FYB2: variants seen among roughly 807,000 people sequenced by gnomAD.
The protein encoded by FYB2 is FYN binding protein 2, also known as FYN-binding protein 2.
A neutral mutation model predicts 94.1 loss-of-function variants in FYB2; 103 were observed. That is an observed-to-expected ratio of 1.09 (90% CI 0.93 to 1.29). The LOEUF is 1.29. Among genes scored for constraint, FYB2 ranks in the 50% most tolerant of loss-of-function variants. FYB2 has a pLI of 0.00. For synonymous variants in FYB2, 293 were observed against 287.9 expected (o/e 1.02, Z -0.18); for missense variants, 896 against 841.5 (o/e 1.06, Z -0.80).
At position 56,792,634 on chromosome 1, in the gene FYB2, T is replaced by C; in HGVS notation, c.179A>G (p.Lys60Arg). The stretch of plus-strand genomic sequence containing the variant: ...ACTGGAACAGTATGGTGTGCGCTGC[T>C]TGTGGTTGGATGAGAGGGGTTTCCC... ...ANGKPLSSNH[K>R]QRTPYCSSSE... is the part of the protein sequence containing the mutation. Residue 60 changes from lysine to arginine, a missense_variant, in exon 2 of 20, where the codon AAG (lysine) becomes AGG (arginine). By Grantham distance (26) the Lys-to-Arg change is conservative. Transcript: ENST00000343433. The C allele has an allele frequency of 1.9e-6, 3 of 1,614,114 alleles. No individual in the cohort carries two copies. The highest frequency in any genetic ancestry group is 2.2e-5 in the South Asian group (2 of 91,074).
chr1:56,737,283 T>C lies in FYB2; in HGVS notation c.1733-136A>G, dbSNP rs1644849570. 7.1e-6 allele frequency: 4 copies of C among 562,204 alleles called. No individual in the cohort carries two copies. In the East Asian group the frequency reaches 1.3e-4, roughly 18 times the overall value. The allele number at this position is 562,204 out of a possible 1,614,324, so 34.8% of individuals were successfully genotyped here. A position where few individuals can be genotyped will look rare whatever the true frequency, so the allele number is the denominator to read the frequency against. On this transcript the variant is annotated intron_variant, in intron 14 of 19. Transcript: ENST00000343433. ...GTTTTAGCAAAATCTGATCATAAAA[T>C]ACAGATAGGCTAGAAGAATCAAAGA... is the stretch of plus-strand genomic sequence containing the variant.
intron 15 of FYB2, among the ~76,000 whole-genome samples, chr1:56,731,381 T>C (rs1431468733): frequency 6.6e-6 from 1 of 152,136 alleles, no homozygotes; most frequent in Non-Finnish European, 1.5e-5. Flanking sequence ...GGTCCCACTA[T>C]GTTGCCCAGG....
chr1:56,814,903 C>G (rs192906362), intron 1 of FYB2, among the ~76,000 whole-genome samples: 47 of 152,264 alleles, frequency 3.1e-4, no homozygotes, highest in African/African-American at 1.1e-3. Flanking sequence ...GACCTGGGTT[C>G]TGTCAAAAAT....
chr1:56,758,672 C>A, intron 6 of FYB2, 44 bp downstream of exon 6: 1 of 1,465,478 alleles, frequency 6.8e-7, no homozygotes, highest in Non-Finnish European at 9.4e-7. Context: ...ACCTTGCATG[C>A]TTATTTTACT....
At chr1:56,770,397 G>A (rs1645726369) in intron 4 of FYB2, among the ~76,000 whole-genome samples, 1 of 152,060 alleles carries the variant, frequency 6.6e-6, no homozygotes, top group South Asian at 2.1e-4. Context: ...GATAGAAAAA[G>A]AGGAAAAGCT....
Position 56,719,574 on chromosome 1 carries a change from A to G in FYB2, c.*97T>C, listed in dbSNP as rs908605667. 33 of 1,114,078 alleles carry G rather than the reference A, an allele frequency of 3.0e-5. No individual in the cohort carries two copies. Among genetic ancestry groups the G allele is most frequent in the Non-Finnish European group, 3.9e-5 (31 of 790,928 alleles). The allele number at this position is 1,114,078 out of a possible 1,614,324, so 69.0% of individuals were successfully genotyped here. ...AGTTTCCACAGATTCCACCATCTCA[A>G]AATTTTGACATGTAAACTGAAACTG... On this transcript the variant is annotated 3_prime_UTR_variant, in exon 20 of 20. Transcript: ENST00000343433.
intron 8 of FYB2, among the ~76,000 whole-genome samples, chr1:56,751,664 T>C (rs749335496): frequency 3.9e-5 from 6 of 152,052 alleles, no homozygotes; most frequent in Non-Finnish European, 1.5e-5. Flanking sequence ...TCTTTTTGCC[T>C]ACATTTTGTC....
upstream of FYB2, among the ~76,000 whole-genome samples, chr1:56,823,469 T>C (rs1375762749): frequency 6.6e-6 from 1 of 152,182 alleles, no homozygotes; most frequent in African/African-American, 2.4e-5. Context: ...ATGCCTAGAA[T>C]TATCTTGGAG....
At chr1:56,757,644 C>CCTTT (rs767179307) in intron 6 of FYB2, among the ~76,000 whole-genome samples, 3 of 150,230 alleles carry the variant, frequency 2.0e-5, no homozygotes, top group East Asian at 3.9e-4. Context: ...CTTTTCTTTT[C>CCTTT]CTTTCTTTCT....
intron 1 of FYB2, among the ~76,000 whole-genome samples, chr1:56,816,588 CCAAGTTTTAAAATCCCCCATATAACA>C (rs1646886971): frequency 6.6e-6 from 1 of 152,084 alleles, no homozygotes; most frequent in South Asian, 2.1e-4. Context: ...GAATGTGAGG[CCAAGTTTTAAAATCCCCCATATAACA>C]CATACTAAAC....
chr1:56,756,087 T>C (rs1645323548), intron 6 of FYB2, among the ~76,000 whole-genome samples, 160 bp from the exon 7 acceptor site: 1 of 152,102 alleles, frequency 6.6e-6, no homozygotes, highest in Non-Finnish European at 1.5e-5. Context: ...CAGGAACTGT[T>C]GCAGTGGGGC....
chr1:56,756,247 T>G (rs549890254), intron 6 of FYB2, among the ~76,000 whole-genome samples: 1 of 152,196 alleles, frequency 6.6e-6, no homozygotes. Flanking sequence ...TATGAGAAAA[T>G]ATGAATTTGT....
At chr1:56,763,843 T>C (rs879649575) in intron 5 of FYB2, among the ~76,000 whole-genome samples, 1 of 152,156 alleles carries the variant, frequency 6.6e-6, no homozygotes, top group Non-Finnish European at 1.5e-5. Context: ...TCCTGCTACT[T>C]GCTTTCAAGA....
rs937302358 is a variant in FYB2, at chr1:56,792,798, C to A, written c.15G>T (p.Gly5=). 5 of 1,608,910 alleles carry A rather than the reference C, an allele frequency of 3.1e-6. No homozygotes were observed. In the African/African-American group the frequency reaches 6.7e-5, roughly 22 times the overall value. ...CTCGAAGTTCCTTGAAGTTTCTTAC[C>A]CCTTCCTAAGGCAAAGAATAATCAA... MEGE[G]VRNFKELRAK... is the part of the protein sequence containing the mutation. Residue 5 remains glycine (G), a synonymous_variant, in exon 2 of 20, where the codon GGG becomes GGT. Transcript: ENST00000343433.
At chr1:56,739,692 G>C (rs1644907325) in intron 13 of FYB2, among the ~76,000 whole-genome samples, 1 of 152,066 alleles carries the variant, frequency 6.6e-6, no homozygotes, top group Admixed American at 6.6e-5. Flanking sequence ...CCTACTTCAA[G>C]TATCCTTAAG....
chr1:56,763,993 C>T (rs1378165346), intron 5 of FYB2, among the ~76,000 whole-genome samples: 2 of 151,224 alleles, frequency 1.3e-5, no homozygotes, highest in African/African-American at 2.4e-5. Context: ...TCTTATTGCC[C>T]AGGCTGGAGT....
At chr1:56,795,423 T>C (rs1646373940) in intron 1 of FYB2, among the ~76,000 whole-genome samples, 1 of 152,316 alleles carries the variant, frequency 6.6e-6, no homozygotes, top group Middle Eastern at 3.4e-3. Context: ...CTATTATGAA[T>C]GATGCTTCTA....
At chr1:56,792,873 G>T (rs1362122043) in intron 1 of FYB2, 70 bp from the exon 2 acceptor site, 4 of 1,452,504 alleles carry the variant, frequency 2.8e-6, no homozygotes, top group Non-Finnish European at 3.7e-6. Context: ...AAAAACAAGT[G>T]TCTCATTATT....
chr1:56,719,519 T>C lies in FYB2; in HGVS notation c.*152A>G. ...AACATCTAAATGTTGAGGATTTGTT[T>C]TTATTTTTCTCTTTTAAGTTCAGAA... On this transcript the variant is annotated 3_prime_UTR_variant, in exon 20 of 20. Transcript: ENST00000343433. 1.6e-6 allele frequency: 1 copy of C among 642,034 alleles called. No homozygotes were observed. The highest frequency in any genetic ancestry group is 2.6e-6 in the Non-Finnish European group (1 of 389,184). 39.8% of individuals were successfully genotyped at this position (642,034 alleles called of 1,614,324 possible). A position where few individuals can be genotyped will look rare whatever the true frequency, so the allele number is the denominator to read the frequency against.
Sources: allele counts gnomAD v4.1 joint callset (sites outside exome capture counted in the v4.1 genomes callset), GRCh38; gene constraint gnomAD v4.1.1; transcripts MANE v1.5; gene names NCBI Gene and HGNC (gene_info 2026-07-23, HGNC 2026-07-21).